The following MDN1 variants were observed in gnomAD, a reference collection of about 807,000 sequenced individuals.
MDN1 encodes the protein midasin.
MDN1 carries 266 observed loss-of-function variants against 669.2 expected under a neutral mutation model. That is an observed-to-expected ratio of 0.40 (90% CI 0.36 to 0.44). The LOEUF (loss-of-function observed/expected upper bound fraction) is 0.44. Ranked by LOEUF, MDN1 falls within the 20% of genes least tolerant of loss-of-function variation. MDN1 has a pLI of 1.00. For missense variants in MDN1, 5,940 were observed against 6,754.0 expected (o/e 0.88, Z 4.22); for synonymous variants, 2,385 against 2,457.1 (o/e 0.97, Z 0.87).
chr6:89,790,521 C>T, intron 5 of MDN1, 120 bp from the exon 6 acceptor site: 1 of 1,209,374 alleles, frequency 8.3e-7, no homozygotes, highest in Non-Finnish European at 1.2e-6. Context: ...ATTAGTAGTA[C>T]CAAAACTATA....
intron 21 of MDN1, 126 bp downstream of exon 21, chr6:89,753,957 A>G: frequency 1.2e-6 from 1 of 830,200 alleles, no homozygotes. Context: ...AAATCTGGTA[A>G]GAGGTATTAT....
intron 52 of MDN1, among the ~76,000 whole-genome samples, 178 bp from the exon 53 acceptor site, chr6:89,706,370 C>T (rs1356396483): frequency 6.6e-6 from 1 of 151,958 alleles, no homozygotes; most frequent in African/African-American, 2.4e-5. Context: ...CTCTTATCTG[C>T]AATGCTTAGA....
chr6:89,691,536 TTTTG>T (rs1186436554), intron 63 of MDN1, among the ~76,000 whole-genome samples: 8 of 152,262 alleles, frequency 5.3e-5, no homozygotes, highest in Non-Finnish European at 1.2e-4. Context: ...TTGGGTTGGT[TTTTG>T]TTTTTTTTTG....
chr6:89,697,376 T>G (rs1812836794), intron 59 of MDN1, among the ~76,000 whole-genome samples: 1 of 152,064 alleles, frequency 6.6e-6, no homozygotes, highest in South Asian at 2.1e-4. Context: ...GAGGAAGAAA[T>G]TTTTTAAAAG....
intron 61 of MDN1, 90 bp from the exon 62 acceptor site, chr6:89,694,273 A>G: frequency 1.8e-6 from 2 of 1,100,308 alleles, no homozygotes; most frequent in East Asian, 2.4e-5. Flanking sequence ...GAGGAACAAG[A>G]TGGAAGGAAT....
At chr6:89,701,449 T>G in intron 55 of MDN1, 109 bp downstream of exon 55, 2 of 1,394,430 alleles carry the variant, frequency 1.4e-6, no homozygotes, top group Non-Finnish European at 9.8e-7. Context: ...GCAAGAGTTA[T>G]GCTTTCAAGA....
intron 18 of MDN1, 73 bp from the exon 19 acceptor site, chr6:89,758,424 G>T: frequency 1.6e-6 from 2 of 1,249,864 alleles, no homozygotes; most frequent in Non-Finnish European, 2.3e-6. Context: ...GGCCCAGCCA[G>T]CCTGATGCTG....
intron 100 of MDN1, among the ~76,000 whole-genome samples, chr6:89,646,038 C>G (rs981069363): frequency 6.6e-6 from 1 of 152,136 alleles, no homozygotes; most frequent in Non-Finnish European, 1.5e-5. Flanking sequence ...CCCCTCACCC[C>G]CAGTATACCA....
At position 89,819,689 on chromosome 6, in the gene MDN1, C is replaced by G; in HGVS notation, c.-82G>C. Reference sequence around the variant, plus strand: ...CCCCAAGCCGCCGAGGTCCCAGTGCCCGAGCAGCCAGCAACTACGCCCGCA... The same window carrying G: ...CCCCAAGCCGCCGAGGTCCCAGTGCGCGAGCAGCCAGCAACTACGCCCGCA... On this transcript the variant is annotated 5_prime_UTR_variant, in exon 1 of 102. Coordinates refer to ENST00000369393, the MANE Select transcript of MDN1 (RefSeq NM_014611.3). 1.7e-6 allele frequency: 2 copies of G among 1,176,426 alleles called. No homozygotes were observed. The highest frequency in any genetic ancestry group is 2.3e-5 in the East Asian group (1 of 42,590). The allele number at this position is 1,176,426 out of a possible 1,614,324, so 72.9% of individuals were successfully genotyped here. A position where few individuals can be genotyped will look rare whatever the true frequency, so the allele number is the denominator to read the frequency against.
rs921959017 is a variant in MDN1, at chr6:89,717,424, C to T, written c.6584-615G>A. Among the ~76,000 whole-genome samples, 6 of 152,126 alleles carry T rather than the reference C, an allele frequency of 3.9e-5. No individual in the cohort carries two copies. The East Asian group carries it at 9.6e-4, about 24-fold the overall frequency. ...CACTTGCTAACTGTAAAACTGTAGG[C>T]AAGTAATTTTGTCTCTTTGAATATT... On this transcript the variant is annotated intron_variant, in intron 43 of 101. Transcript: ENST00000369393.
chr6:89,767,692 G>A (rs540642676), intron 15 of MDN1, among the ~76,000 whole-genome samples: 11 of 152,240 alleles, frequency 7.2e-5, no homozygotes, highest in African/African-American at 2.2e-4. Flanking sequence ...GGAGGCAGGC[G>A]TTGTAGTGAG....
At chr6:89,814,730 C>T (rs914701968) in intron 1 of MDN1, 32 of 361,358 alleles carry the variant, frequency 8.9e-5, no homozygotes, top group Middle Eastern at 9.7e-4. Context: ...ATCTCTCCAG[C>T]ACCAGGAGCA....
In MDN1 at chr6:89,664,568, C is replaced by A. The variant is rs1810045936; in HGVS notation, c.14155G>T (p.Asp4719Tyr). Residue 4719 changes from aspartate (D) to tyrosine (Y), a missense_variant, in exon 85 of 102, where the codon GAT becomes TAT. Physicochemically the swap from Asp to Tyr is radical, Grantham distance 160. Coordinates refer to ENST00000369393, the MANE Select transcript of MDN1 (RefSeq NM_014611.3). ...ATGGCATTATCCTCGCCCTTAATATCAGATTTTGAATCAGGATCCTCTTTG... is the reference window on the plus strand; with the variant it reads ...ATGGCATTATCCTCGCCCTTAATATAAGATTTTGAATCAGGATCCTCTTTG... ...KDKEDPDSKS[D>Y]IKGEDNAIEM... The A allele has an allele frequency of 6.2e-7, 1 of 1,613,682 alleles. No individual in the cohort carries two copies. The highest frequency in any genetic ancestry group is 1.3e-5 in the African/African-American group (1 of 75,032).
intron 7 of MDN1, 74 bp downstream of exon 7, chr6:89,789,706 A>G: frequency 1.4e-6 from 2 of 1,478,914 alleles, no homozygotes; most frequent in Admixed American, 2.4e-5. Flanking sequence ...CATCACCAGA[A>G]TCACTATTAA....
intron 17 of MDN1, among the ~76,000 whole-genome samples, chr6:89,760,903 G>A (rs1817510162): frequency 6.6e-6 from 1 of 152,198 alleles, no homozygotes; most frequent in Non-Finnish European, 1.5e-5. Context: ...GCTCACGCCT[G>A]TAATCTCAGC....
chr6:89,721,769 A>T (rs545590049), intron 40 of MDN1, among the ~76,000 whole-genome samples: 2 of 152,202 alleles, frequency 1.3e-5, no homozygotes, highest in South Asian at 4.2e-4. Flanking sequence ...GATTAAAACA[A>T]TGTCTCCAAT....
At chr6:89,754,356 C>T in intron 20 of MDN1, 126 bp from the exon 21 acceptor site, 1 of 905,940 alleles carries the variant, frequency 1.1e-6, no homozygotes, top group South Asian at 1.9e-5. Flanking sequence ...CTTCCTGGGG[C>T]ATGCATCAAA....
chr6:89,760,607 T>A, intron 17 of MDN1, among the ~76,000 whole-genome samples: 1 of 151,996 alleles, frequency 6.6e-6, no homozygotes. Flanking sequence ...ATAAAGAAAA[T>A]GTTGTATATA....
rs769585200 is a variant in MDN1, at chr6:89,686,919, T to C, written c.11555A>G (p.Gln3852Arg). The change falls in exon 69 of 102, where the codon CAA becomes CGA. Residue 3852 changes from glutamine (Q) to arginine (R), a missense_variant. This residue lies in a region of MDN1 where 2,280 missense variants were observed against 2,576.3 expected (regional missense o/e 0.88). Transcript: ENST00000369393. ...YQMLEKHMQE[Q>R]TEEQEDDKQM... Reference sequence around the variant, plus strand: ...GGCATTACCTTCCTGTTCTTCTGTTTGTTCCTGCATGTGCTTCTCAAGCAT... The same window carrying C: ...GGCATTACCTTCCTGTTCTTCTGTTCGTTCCTGCATGTGCTTCTCAAGCAT... 3 of 1,613,898 alleles carry C rather than the reference T, an allele frequency of 1.9e-6. No homozygotes were observed. In the South Asian group the frequency reaches 3.3e-5, roughly 18 times the overall value.
Sources: allele counts gnomAD v4.1 joint callset (sites outside exome capture counted in the v4.1 genomes callset), GRCh38; gene constraint gnomAD v4.1.1; regional missense constraint gnomAD v4.1.1; transcripts MANE v1.5; gene names NCBI Gene and HGNC (gene_info 2026-07-23, HGNC 2026-07-21).